PAMR1: variants seen among roughly 807,000 people sequenced by gnomAD.
PAMR1 encodes inactive serine protease PAMR1.
A neutral mutation model predicts 81.8 loss-of-function variants in PAMR1; 88 were observed. The ratio of observed to expected loss-of-function variants is 1.08; its 90% CI spans 0.91 to 1.28. The LOEUF (loss-of-function observed/expected upper bound fraction) is 1.28, where lower values mean the gene tolerates loss of function less well. Among genes scored for constraint, PAMR1 ranks in the 50% most tolerant of loss-of-function variants. The pLI is 0.00. For missense variants in PAMR1, 935 were observed against 919.7 expected (o/e 1.02, Z -0.21); for synonymous variants, 336 against 345.3 (o/e 0.97, Z 0.30).
chr11:35,471,476 T>G (rs1422225172), intron 4 of PAMR1, among the ~76,000 whole-genome samples: 1 of 152,188 alleles, frequency 6.6e-6, no homozygotes, highest in Non-Finnish European at 1.5e-5. Flanking sequence ...AAGCTCATAT[T>G]GTTTTGCAAG....
intron 1 of PAMR1, among the ~76,000 whole-genome samples, chr11:35,525,067 A>G (rs1851359930): frequency 6.7e-6 from 1 of 150,354 alleles, no homozygotes; most frequent in Non-Finnish European, 1.5e-5. Context: ...ACACCAAGCA[A>G]GCCCTGCTCT....
intron 4 of PAMR1, 114 bp downstream of exon 4, chr11:35,474,516 G>A (rs965739071): frequency 3.0e-5 from 18 of 602,138 alleles, no homozygotes; most frequent in Non-Finnish European, 4.9e-5. Context: ...GAGTGGTAAA[G>A]AGAAAGGCTC....
chr11:35,462,267 T>C (rs1856671670), intron 6 of PAMR1, among the ~76,000 whole-genome samples: 2 of 152,206 alleles, frequency 1.3e-5, no homozygotes, highest in African/African-American at 4.8e-5. Context: ...TTGTCATTTC[T>C]AACAGCTCCC....
chr11:35,517,754 C>T (rs1851193452), intron 1 of PAMR1, among the ~76,000 whole-genome samples: 1 of 152,214 alleles, frequency 6.6e-6, no homozygotes, highest in Admixed American at 6.5e-5. Flanking sequence ...CATCAGTTCT[C>T]TCAGTAGATT....
At chr11:35,444,756 T>C (rs1156956797) in intron 6 of PAMR1, among the ~76,000 whole-genome samples, 2 of 152,228 alleles carry the variant, frequency 1.3e-5, no homozygotes, top group Admixed American at 1.3e-4. Context: ...CCTTGTATAG[T>C]TTGAAGTTGG....
upstream of PAMR1, chr11:35,525,683 C>T: frequency 1.0e-6 from 1 of 994,776 alleles, no homozygotes; most frequent in Non-Finnish European, 1.5e-6. Context: ...TCCCCGAGCC[C>T]CAGCTGAGCG....
intron 1 of PAMR1, among the ~76,000 whole-genome samples, chr11:35,522,214 G>A (rs539498030): frequency 1.1e-4 from 17 of 152,240 alleles, no homozygotes; most frequent in African/African-American, 3.1e-4. Context: ...GAGCCACTGC[G>A]CCTGCCTCAA....
intron 5 of PAMR1, among the ~76,000 whole-genome samples, chr11:35,469,090 G>A (rs190431096): frequency 2.3e-4 from 35 of 152,290 alleles, no homozygotes; most frequent in Non-Finnish European, 4.4e-4. Flanking sequence ...ATTCAAAAAA[G>A]GGCAAAGCCA....
intron 1 of PAMR1, among the ~76,000 whole-genome samples, chr11:35,505,894 G>A (rs1311433390): frequency 7.4e-6 from 1 of 135,758 alleles, no homozygotes; most frequent in Non-Finnish European, 1.6e-5. Context: ...GCCATTTTGT[G>A]GCTTGTTCTC....
chr11:35,524,074 C>T (rs1851336717), intron 1 of PAMR1, among the ~76,000 whole-genome samples: 1 of 152,124 alleles, frequency 6.6e-6, no homozygotes, highest in Non-Finnish European at 1.5e-5. Context: ...TGAGAAGAAC[C>T]AGGTCCTCTG....
chr11:35,480,124 G>T (rs756222984), intron 3 of PAMR1, among the ~76,000 whole-genome samples: 9 of 152,096 alleles, frequency 5.9e-5, no homozygotes, highest in Non-Finnish European at 1.0e-4. Context: ...CTCTGCCTCC[G>T]CCAAGTCAGT....
At chr11:35,501,336 T>A (rs1302550920) in intron 1 of PAMR1, among the ~76,000 whole-genome samples, 1 of 151,854 alleles carries the variant, frequency 6.6e-6, no homozygotes, top group Non-Finnish European at 1.5e-5. Context: ...TTTCATCATG[T>A]GGCCCAGGCT....
chr11:35,514,569 G>A (rs963689196), intron 1 of PAMR1, among the ~76,000 whole-genome samples: 7 of 152,332 alleles, frequency 4.6e-5, no homozygotes, highest in Admixed American at 4.6e-4. Context: ...CTCAACAACT[G>A]TGGTGCTGGA....
At chr11:35,460,486 C>T (rs1429741227) in intron 6 of PAMR1, among the ~76,000 whole-genome samples, 3 of 152,130 alleles carry the variant, frequency 2.0e-5, no homozygotes, top group African/African-American at 7.2e-5. Flanking sequence ...TCCCCCCACC[C>T]CACAACAGGC....
chr11:35,507,348 C>CAAATAGCCTGACTTTGAACTCACTGATT (rs1850983591), intron 1 of PAMR1, among the ~76,000 whole-genome samples: 1 of 152,084 alleles, frequency 6.6e-6, no homozygotes, highest in Non-Finnish European at 1.5e-5. Context: ...TGCCCAGCCT[C>CAAATAGCCTGACTTTGAACTCACTGATT]AAATAGCCTG....
chr11:35,516,585 A>G (rs543237367), intron 1 of PAMR1, among the ~76,000 whole-genome samples: 2 of 152,342 alleles, frequency 1.3e-5, no homozygotes, highest in South Asian at 2.1e-4. Context: ...ACCGTGTTGC[A>G]TGACAACAAG....
chr11:35,528,726 C>T (rs372459655), upstream of PAMR1, among the ~76,000 whole-genome samples: 3 of 152,114 alleles, frequency 2.0e-5, no homozygotes, highest in Non-Finnish European at 1.5e-5. Context: ...CTAAGGAAGT[C>T]CCTGGTACCA....
chr11:35,504,382 T>C (rs11499812), intron 1 of PAMR1, among the ~76,000 whole-genome samples: 20,285 of 152,178 alleles, frequency 0.13, 1,519 homozygotes, highest in East Asian at 0.34. Context: ...AATAGGGCAA[T>C]GCTAGCCTCA....
At chr11:35,468,195 C>A in intron 5 of PAMR1, 87 bp from the exon 6 acceptor site, 1 of 701,596 alleles carries the variant, frequency 1.4e-6, no homozygotes, top group Non-Finnish European at 2.4e-6. Flanking sequence ...CTTTTAATTC[C>A]TTATTAAAGT....
Sources: allele counts gnomAD v4.1 joint callset (sites outside exome capture counted in the v4.1 genomes callset), GRCh38; gene constraint gnomAD v4.1.1; transcripts MANE v1.5; gene names NCBI Gene and HGNC (gene_info 2026-07-23, HGNC 2026-07-21).